The following TPR variants were observed in gnomAD, a reference collection of about 807,000 sequenced individuals.
The protein encoded by TPR is nucleoprotein TPR.
In TPR, 51 loss-of-function variants were observed where a neutral mutation model predicts 316.1. That is an observed-to-expected ratio of 0.16 (90% CI 0.13 to 0.20). The LOEUF is 0.20. TPR is among the 10% of genes least tolerant of loss of function. The probability of loss-of-function intolerance (pLI) is 1.00; values close to 1 mark genes in which losing one functional copy is unlikely to be tolerated. For missense variants in TPR, 2,272 were observed against 2,754.8 expected (o/e 0.82, Z 3.92); for synonymous variants, 981 against 914.7 (o/e 1.07, Z -1.31).
chr1:186,333,333 A>T lies in TPR; in HGVS notation c.5244T>A (p.Val1748=). 1 of 1,613,684 alleles carries T rather than the reference A, an allele frequency of 6.2e-7. No homozygotes were observed. The highest frequency in any genetic ancestry group is 1.3e-5 in the African/African-American group (1 of 75,020). The part of the protein sequence containing the change: ...VPVFGSTSGS[V]RSTSPNVQPS... ...GCTGGACATTAGGACTAGTAGAACG[A>T]ACGGATCCACTTGTGCTTCCAAAAA... Residue 1748 remains valine (V), a synonymous_variant, in exon 37 of 51, where the codon GTT becomes GTA. Transcript: ENST00000367478.
At position 186,375,250 on chromosome 1, in the gene TPR, G is replaced by C. The variant is rs1045780062; in HGVS notation, c.-222C>G. 9.0e-6 allele frequency: 13 copies of C among 1,443,128 alleles called. No individual in the cohort carries two copies. Among genetic ancestry groups the C allele is most frequent in the South Asian group, 1.4e-5 (1 of 69,182 alleles). The allele number at this position is 1,443,128 out of a possible 1,614,324, so 89.4% of individuals were successfully genotyped here. A position where few individuals can be genotyped will look rare whatever the true frequency, so the allele number is the denominator to read the frequency against. On this transcript the variant is annotated 5_prime_UTR_variant, in exon 1 of 51. Coordinates refer to ENST00000367478, the MANE Select transcript of TPR (RefSeq NM_003292.3). ...CAACAGCACCTCACCGCCCGCGACC[G>C]AAGTGCGCGCGCAGCCGTTGGAAGC...
rs1314849150 is a variant in TPR, at chr1:186,334,410, T to G, written c.5097A>C (p.Pro1699=). The change falls in exon 36 of 51, where the codon CCA becomes CCC. Residue 1699 remains proline, a synonymous_variant. Coordinates refer to ENST00000367478, the MANE Select transcript of TPR (RefSeq NM_003292.3). ...TTGTAACAGTTGCAGGTGTAACCATTGGGCGGATACTAGCCCTGGGTGTTG... is the reference window on the plus strand; with the variant it reads ...TTGTAACAGTTGCAGGTGTAACCATGGGGCGGATACTAGCCCTGGGTGTTG... ...NKSTPRASIR[P]MVTPATVTNP... 1 of 1,613,566 alleles carries G rather than the reference T, an allele frequency of 6.2e-7. No individual in the cohort carries two copies. Among genetic ancestry groups the G allele is most frequent in the Non-Finnish European group, 8.5e-7 (1 of 1,179,758 alleles).
rs531482147 is a variant in TPR, at chr1:186,344,998, C to G, written c.3214-420G>C. Among the ~76,000 whole-genome samples, 24 of 152,174 alleles carry G rather than the reference C, an allele frequency of 1.6e-4. 1 individual carries two copies. The highest frequency in any genetic ancestry group is 1.2e-3 in the Admixed American group (18 of 15,288). ...CATGACACCCAACTTAAAATAAGAACATTACCAATATGCTCAAATGTACTG... is the reference window on the plus strand; with the variant it reads ...CATGACACCCAACTTAAAATAAGAAGATTACCAATATGCTCAAATGTACTG... On this transcript the variant is annotated intron_variant, in intron 24 of 50. Coordinates refer to ENST00000367478, the MANE Select transcript of TPR (RefSeq NM_003292.3).
chr1:186,343,871 TACCACAGAAATGA>T, intron 26 of TPR, 22 bp downstream of exon 26: 1 of 1,539,648 alleles, frequency 6.5e-7, no homozygotes, highest in Non-Finnish European at 8.9e-7. Context: ...ATAGTTGTTA[TACCACAGAAATGA>T]AGCAGTAAGA....
intron 46 of TPR, among the ~76,000 whole-genome samples, chr1:186,319,812 C>T (rs1657723497): frequency 6.6e-6 from 1 of 152,156 alleles, no homozygotes; most frequent in Admixed American, 6.5e-5. Flanking sequence ...GGAAAACTAG[C>T]TAATTCTACT....
At chr1:186,332,724 T>C (rs752063161) in intron 37 of TPR, among the ~76,000 whole-genome samples, 2 of 152,170 alleles carry the variant, frequency 1.3e-5, no homozygotes, top group African/African-American at 2.4e-5. Context: ...GTACACTGTA[T>C]GTAAATCAGT....
At chr1:186,326,668 T>C (rs1571603779) in intron 40 of TPR, among the ~76,000 whole-genome samples, 3 of 151,750 alleles carry the variant, frequency 2.0e-5, no homozygotes, top group Admixed American at 6.6e-5. Context: ...CTTATATATA[T>C]AAAATACACT....
At chr1:186,314,106 T>TA (rs1352733816) in intron 50 of TPR, 80 bp from the exon 51 acceptor site, 2 of 1,342,782 alleles carry the variant, frequency 1.5e-6, no homozygotes, top group East Asian at 2.3e-5. Flanking sequence ...TAGTTCATTA[T>TA]AAAAAATATC....
chr1:186,337,695 A>G (rs1658381873), intron 31 of TPR, among the ~76,000 whole-genome samples: 2 of 152,044 alleles, frequency 1.3e-5, no homozygotes, highest in Non-Finnish European at 2.9e-5. Context: ...TTTTTTTGAT[A>G]GGTGGTTAAC....
chr1:186,323,958 A>T, intron 42 of TPR, 88 bp from the exon 43 acceptor site: 1 of 1,324,716 alleles, frequency 7.5e-7, no homozygotes, highest in South Asian at 1.5e-5. Flanking sequence ...TCTTGCCAAC[A>T]GGAATGTTCA....
At chr1:186,327,345 A>C (rs1226243517) in intron 40 of TPR, 115 bp downstream of exon 40, 3 of 302,468 alleles carry the variant, frequency 9.9e-6, no homozygotes, top group Non-Finnish European at 1.7e-5. Context: ...AATAAATATA[A>C]TCTATTTAAG....
At chr1:186,328,465 A>G (rs1046782333) in intron 39 of TPR, among the ~76,000 whole-genome samples, 7 of 152,176 alleles carry the variant, frequency 4.6e-5, no homozygotes, top group African/African-American at 1.7e-4. Context: ...TATATTTTAT[A>G]TTTGTATCAA....
At chr1:186,350,410 T>A (rs990859349) in intron 20 of TPR, 22 bp from the exon 21 acceptor site, 8 of 1,515,880 alleles carry the variant, frequency 5.3e-6, no homozygotes, top group Non-Finnish European at 7.1e-6. Context: ...ATTAATCTTA[T>A]AACATTCTTT....
At chr1:186,371,391 G>T (rs1340787321) in intron 2 of TPR, among the ~76,000 whole-genome samples, 1 of 152,026 alleles carries the variant, frequency 6.6e-6, no homozygotes, top group East Asian at 1.9e-4. Context: ...TAAGAAAATG[G>T]AGTTAAAAAG....
At chr1:186,331,611 A>T in intron 38 of TPR, 30 bp from the exon 39 acceptor site, 1 of 1,482,528 alleles carries the variant, frequency 6.7e-7, no homozygotes, top group Non-Finnish European at 9.2e-7. Flanking sequence ...TATATTAACC[A>T]TATCAGTGTA....
chr1:186,357,660 T>C, intron 13 of TPR, 37 bp from the exon 14 acceptor site: 1 of 1,557,552 alleles, frequency 6.4e-7, no homozygotes. Flanking sequence ...AAAATAGTAT[T>C]AGTTACAATT....
rs765991700 is a variant in TPR, at chr1:186,350,259, G to C, written c.2740C>G (p.Gln914Glu). 3 of 1,612,152 alleles carry C rather than the reference G, an allele frequency of 1.9e-6. No homozygotes were observed. The highest frequency in any genetic ancestry group is 2.5e-6 in the Non-Finnish European group (3 of 1,179,490). The part of the protein sequence containing the change: ...LKQHLSNMEV[Q>E]VASQSSQRTG... ...CTCTGTGAAGACTGAGAAGCAACTT[G>C]GACTTCCATATTACTGAGGTGCTGT... The change falls in exon 21 of 51, where the codon CAA (glutamine) becomes GAA (glutamate). Residue 914 changes from glutamine to glutamate, a missense_variant. This residue lies in a region of TPR where 757 missense variants were observed against 859.8 expected (regional missense o/e 0.88). Coordinates refer to ENST00000367478, the MANE Select transcript of TPR (RefSeq NM_003292.3).
intron 37 of TPR, among the ~76,000 whole-genome samples, chr1:186,332,791 A>C (rs932610670): frequency 1.3e-5 from 2 of 152,146 alleles, no homozygotes; most frequent in African/African-American, 4.8e-5. Context: ...AATTATATAC[A>C]ATGTTTTGCA....
intron 24 of TPR, 85 bp downstream of exon 24, chr1:186,345,495 C>CTTATAATG: frequency 9.3e-7 from 1 of 1,069,674 alleles, no homozygotes; most frequent in Admixed American, 2.0e-5. Flanking sequence ...TTTGTAAGGT[C>CTTATAATG]CACCAGTTCT....
Sources: gnomAD v4.1 joint callset for allele counts (sites outside exome capture counted in the v4.1 genomes callset) on GRCh38, gnomAD v4.1.1 for gene constraint, gnomAD v4.1.1 regional missense constraint, MANE v1.5 for transcripts, NCBI Gene and HGNC (gene_info 2026-07-23, HGNC 2026-07-21) for gene names.